Variants in SAMD5 observed in about 807,000 individuals in gnomAD.
SAMD5 encodes the protein sterile alpha motif domain-containing protein 5.
In SAMD5, 13 loss-of-function variants were observed where a neutral mutation model predicts 11.3. The observed-to-expected ratio is 1.15, with a 90% CI of 0.75 to 1.83. The LOEUF (loss-of-function observed/expected upper bound fraction) is 1.83. Ranked by LOEUF, SAMD5 falls within the 40% of genes most tolerant of loss-of-function variation. The probability of loss-of-function intolerance (pLI) is 0.00; values close to 1 mark genes in which losing one functional copy is unlikely to be tolerated. For synonymous variants in SAMD5, 129 were observed against 111.3 expected (o/e 1.16, Z -1.00); for missense variants, 255 against 239.1 (o/e 1.07, Z -0.44).
chr6:147,663,458 C>T (rs1259733016), intron 1 of SAMD5, among the ~76,000 whole-genome samples: 1 of 151,970 alleles, frequency 6.6e-6, no homozygotes, highest in African/African-American at 2.4e-5. Context: ...CACTTGTACC[C>T]TTGAAGTTAA....
At chr6:147,832,128 A>T in the SAMD5 span, among the ~76,000 whole-genome samples, 2 of 152,296 alleles carry the variant, frequency 1.3e-5, no homozygotes, top group East Asian at 1.9e-4. Context: ...AATACATAGG[A>T]TGAAAGCAAT....
At position 147,509,140 on chromosome 6, in the gene SAMD5, G is replaced by T; in HGVS notation, c.212G>T (p.Gly71Val). ...CGGGAGCAGGACGCCAACGCCGCCGGCCTCTACTTCACGCTTGAGCCGCAG... is the reference window on the plus strand; with the variant it reads ...CGGGAGCAGGACGCCAACGCCGCCGTCCTCTACTTCACGCTTGAGCCGCAG... ...RLREQDANAA[G>V]LYFTLEPQPA... is the part of the protein sequence containing the mutation. Residue 71 changes from glycine (G) to valine (V), a missense_variant, in exon 1 of 2, where the codon GGC (glycine) becomes GTC (valine). Physicochemically the swap from Gly to Val is moderately radical, Grantham distance 109. Transcript: ENST00000367474. The T allele has an allele frequency of 6.5e-7, 1 of 1,540,354 alleles. No homozygotes were observed. The highest frequency in any genetic ancestry group is 8.7e-7 in the Non-Finnish European group (1 of 1,146,186).
At chr6:147,851,425 C>A in the SAMD5 span, among the ~76,000 whole-genome samples, 1 of 152,136 alleles carries the variant, frequency 6.6e-6, no homozygotes, top group Admixed American at 6.5e-5. Context: ...TAAGGGGAGA[C>A]TACGGTATTA....
At chr6:147,923,646 C>G in the SAMD5 span, among the ~76,000 whole-genome samples, 1 of 152,148 alleles carries the variant, frequency 6.6e-6, no homozygotes, top group Non-Finnish European at 1.5e-5. Flanking sequence ...GGATGTAGAG[C>G]TAATTACTAG....
chr6:147,850,300 C>A, the SAMD5 span, among the ~76,000 whole-genome samples: 70 of 152,020 alleles, frequency 4.6e-4, 1 homozygote, highest in Middle Eastern at 3.4e-3. Context: ...TTAAAAAAAA[C>A]ACTATGATAA....
At chr6:147,604,914 C>G (rs145037220) in intron 1 of SAMD5, among the ~76,000 whole-genome samples, 1 of 152,206 alleles carries the variant, frequency 6.6e-6, no homozygotes, top group East Asian at 1.9e-4. Context: ...TAGTGGGGAA[C>G]TAAAAAGGTT....
At chr6:147,516,262 C>T (rs1788168998) in intron 1 of SAMD5, among the ~76,000 whole-genome samples, 1 of 152,184 alleles carries the variant, frequency 6.6e-6, no homozygotes, top group African/African-American at 2.4e-5. Context: ...GTGCCCATCT[C>T]CCCGACTAAG....
At chr6:147,841,835 G>C in the SAMD5 span, among the ~76,000 whole-genome samples, 20 of 152,150 alleles carry the variant, frequency 1.3e-4, no homozygotes, top group Admixed American at 5.9e-4. Flanking sequence ...GCAATTTCAT[G>C]TGGAAGCTAA....
intron 1 of SAMD5, among the ~76,000 whole-genome samples, chr6:147,550,525 A>C (rs1450493895): frequency 6.6e-6 from 1 of 152,236 alleles, no homozygotes; most frequent in East Asian, 1.9e-4. Flanking sequence ...ATGGATGACT[A>C]GATTAAAAAA....
intron 1 of SAMD5, among the ~76,000 whole-genome samples, chr6:147,551,812 T>TTATTTATATATATATATA (rs1788776220): frequency 1.0e-5 from 1 of 99,454 alleles, no homozygotes; most frequent in Admixed American, 1.2e-4. Context: ...TATATATATG[T>TTATTTATATATATATATA]TATATATATA....
At chr6:147,780,063 G>A in the SAMD5 span, among the ~76,000 whole-genome samples, 2 of 152,132 alleles carry the variant, frequency 1.3e-5, no homozygotes, top group East Asian at 3.8e-4. Flanking sequence ...AAGCTTTTGA[G>A]CTCCTGCTAT....
chr6:147,518,225 T>C (rs540691899), intron 1 of SAMD5, among the ~76,000 whole-genome samples: 1 of 152,324 alleles, frequency 6.6e-6, no homozygotes, highest in South Asian at 2.1e-4. Context: ...CTTCATTTGC[T>C]GGTCCTTCTG....
At chr6:147,850,701 C>T in the SAMD5 span, among the ~76,000 whole-genome samples, 5 of 152,014 alleles carry the variant, frequency 3.3e-5, no homozygotes, top group East Asian at 3.9e-4. Flanking sequence ...ATAAACAGTA[C>T]GTTTATAACA....
At chr6:147,845,242 T>C in the SAMD5 span, among the ~76,000 whole-genome samples, 2 of 152,156 alleles carry the variant, frequency 1.3e-5, no homozygotes, top group African/African-American at 4.8e-5. Context: ...TCATACCTTA[T>C]ACAAAATTAA....
intron 1 of SAMD5, among the ~76,000 whole-genome samples, chr6:147,718,409 G>A (rs556569486): frequency 6.6e-6 from 1 of 152,290 alleles, no homozygotes; most frequent in Non-Finnish European, 1.5e-5. Flanking sequence ...CTGAACTAGA[G>A]GGAAGAAAGT....
At chr6:147,795,109 C>CATTGTGCAGGTT in the SAMD5 span, among the ~76,000 whole-genome samples, 3 of 150,276 alleles carry the variant, frequency 2.0e-5, no homozygotes, top group South Asian at 6.4e-4. Context: ...TACATGTGCA[C>CATTGTGCAGGTT]ATTGTGCAGG....
chr6:147,599,368 A>T (rs1789582222), intron 1 of SAMD5, among the ~76,000 whole-genome samples: 1 of 152,236 alleles, frequency 6.6e-6, no homozygotes, highest in Non-Finnish European at 1.5e-5. Context: ...AACAATTTAA[A>T]ATTTGCAGTG....
At chr6:147,809,906 A>G in the SAMD5 span, among the ~76,000 whole-genome samples, 1 of 151,992 alleles carries the variant, frequency 6.6e-6, no homozygotes, top group African/African-American at 2.4e-5. Flanking sequence ...AAACCCCCCT[A>G]CTCTGATTAA....
At chr6:147,634,933 T>C (rs1790205073) in intron 1 of SAMD5, among the ~76,000 whole-genome samples, 1 of 151,756 alleles carries the variant, frequency 6.6e-6, no homozygotes, top group Non-Finnish European at 1.5e-5. Context: ...TGAAGCCACT[T>C]AGTAGTACAC....
Sources: gnomAD v4.1 joint callset for allele counts (sites outside exome capture counted in the v4.1 genomes callset) on GRCh38, gnomAD v4.1.1 for gene constraint, MANE v1.5 for transcripts, NCBI Gene and HGNC (gene_info 2026-07-23, HGNC 2026-07-21) for gene names.